Variants in PDZRN4 observed in about 807,000 individuals in gnomAD.
PDZRN4 encodes PDZ domain containing ring finger 4.
PDZRN4 carries 70 observed loss-of-function variants against 99.0 expected under a neutral mutation model. That is an observed-to-expected ratio of 0.71 (90% CI 0.58 to 0.86). PDZRN4 has a LOEUF of 0.86. Ranked by LOEUF, PDZRN4 falls within the 40% of genes least tolerant of loss-of-function variation. The probability of loss-of-function intolerance (pLI) is 0.00; values close to 1 mark genes in which losing one functional copy is unlikely to be tolerated. For missense variants in PDZRN4, 1,474 were observed against 1,331.2 expected, an observed-to-expected ratio of 1.11 and a Z score of -1.67; for synonymous variants, 551 against 501.6, an observed-to-expected ratio of 1.10 and a Z score of -1.32.
intron 3 of PDZRN4, among the ~76,000 whole-genome samples, chr12:41,288,611 C>G (rs537467420): frequency 7.3e-5 from 11 of 151,622 alleles, no homozygotes; most frequent in Non-Finnish European, 1.3e-4. Context: ...TTCACCCTGA[C>G]TCTTAGTTAT....
intron 3 of PDZRN4, among the ~76,000 whole-genome samples, chr12:41,468,782 G>A (rs1346901931): frequency 2.0e-5 from 3 of 152,118 alleles, no homozygotes; most frequent in African/African-American, 7.2e-5. Flanking sequence ...CCTCTAGAGT[G>A]GACAAAAATA....
At chr12:41,393,243 CAAT>C (rs1952222411) in intron 3 of PDZRN4, among the ~76,000 whole-genome samples, 1 of 152,122 alleles carries the variant, frequency 6.6e-6, no homozygotes, top group Admixed American at 6.6e-5. Context: ...TGTTATATAA[CAAT>C]AATTTTCCTT....
intron 3 of PDZRN4, among the ~76,000 whole-genome samples, chr12:41,316,864 C>T (rs1355872746): frequency 6.6e-6 from 1 of 151,296 alleles, no homozygotes; most frequent in Non-Finnish European, 1.5e-5. Context: ...TCATTGACTC[C>T]CCTCAAGGTT....
chr12:41,512,724 G>A (rs141463374), intron 5 of PDZRN4, among the ~76,000 whole-genome samples: 24 of 152,226 alleles, frequency 1.6e-4, no homozygotes, highest in African/African-American at 9.6e-5. Flanking sequence ...AGTCAGCTGA[G>A]AGGGAGTGGG....
intron 3 of PDZRN4, among the ~76,000 whole-genome samples, chr12:41,287,042 G>A (rs182020409): frequency 1.3e-4 from 20 of 152,082 alleles, no homozygotes; most frequent in East Asian, 3.9e-4. Flanking sequence ...ACTAATGTCC[G>A]CAGAGGACCC....
intron 4 of PDZRN4, among the ~76,000 whole-genome samples, chr12:41,509,116 T>C (rs1324250216): frequency 6.6e-6 from 1 of 152,176 alleles, no homozygotes; most frequent in South Asian, 2.1e-4. Flanking sequence ...CCATATCCTC[T>C]CATTTCCTTA....
chr12:41,411,063 A>T (rs67090727), intron 3 of PDZRN4, among the ~76,000 whole-genome samples: 2,158 of 103,318 alleles, frequency 0.021, 33 homozygotes, highest in Non-Finnish European at 0.031. Flanking sequence ...ATATATATAT[A>T]TATATTTTTT....
intron 8 of PDZRN4, 28 bp downstream of exon 8, chr12:41,563,677 A>G: frequency 1.4e-6 from 2 of 1,432,500 alleles, no homozygotes; most frequent in Non-Finnish European, 2.0e-6. Flanking sequence ...AAGCCTTGAG[A>G]CTGAACTTTA....
At position 41,188,461 on chromosome 12, in the gene PDZRN4, C is replaced by G; in HGVS notation, c.6C>G (p.Gly2=). M[G]FALERFAEAV... ...CTTTCTTCCCCATCCCTAACATGGG[C>G]TTTGCCCTGGAGCGCTTCGCAGAAG... The change falls in exon 1 of 10, where the codon GGC becomes GGG. Residue 2 remains glycine, a synonymous_variant. Coordinates refer to ENST00000402685, the MANE Select transcript of PDZRN4 (RefSeq NM_001164595.2). 6.3e-7 allele frequency: 1 copy of G among 1,585,568 alleles called. No individual in the cohort carries two copies. Among genetic ancestry groups the G allele is most frequent in the Non-Finnish European group, 8.5e-7 (1 of 1,173,552 alleles).
chr12:41,481,108 C>T (rs1376944351), intron 3 of PDZRN4, among the ~76,000 whole-genome samples: 2 of 151,984 alleles, frequency 1.3e-5, no homozygotes, highest in Non-Finnish European at 2.9e-5. Flanking sequence ...ATATCTATCT[C>T]ACCATTTCCC....
intron 1 of PDZRN4, among the ~76,000 whole-genome samples, chr12:41,189,356 G>A (rs1376708215): frequency 6.6e-6 from 1 of 152,052 alleles, no homozygotes; most frequent in East Asian, 1.9e-4. Context: ...CTTTCCCCCG[G>A]GAAAGTAGGA....
intron 5 of PDZRN4, among the ~76,000 whole-genome samples, chr12:41,522,649 A>G (rs572558597): frequency 1.1e-4 from 16 of 152,282 alleles, no homozygotes; most frequent in African/African-American, 3.8e-4. Context: ...CTGCCAAAAG[A>G]AAAGAAAGCC....
chr12:41,534,810 T>G (rs1266841596), intron 5 of PDZRN4, among the ~76,000 whole-genome samples: 1 of 152,196 alleles, frequency 6.6e-6, no homozygotes, highest in Non-Finnish European at 1.5e-5. Flanking sequence ...ATAAATACAA[T>G]ACATAGTGAA....
chr12:41,506,390 T>C (rs1938205315), intron 3 of PDZRN4, 66 bp from the exon 4 acceptor site: 4 of 1,441,476 alleles, frequency 2.8e-6, no homozygotes, highest in Non-Finnish European at 3.8e-6. Context: ...CTGTCTTTTA[T>C]TAATCTATCA....
At chr12:41,291,971 A>G (rs563248367) in intron 3 of PDZRN4, among the ~76,000 whole-genome samples, 4 of 152,294 alleles carry the variant, frequency 2.6e-5, no homozygotes, top group East Asian at 3.9e-4. Context: ...CTGGAAATAT[A>G]CTAGCATTGG....
chr12:41,499,067 A>AAG (rs142124646), intron 3 of PDZRN4, among the ~76,000 whole-genome samples: 4 of 149,336 alleles, frequency 2.7e-5, no homozygotes, highest in South Asian at 4.2e-4. Context: ...AGGGAATAGC[A>AAG]AGAGAGAGAG....
chr12:41,317,048 G>GTATATATA (rs33919115), intron 3 of PDZRN4, among the ~76,000 whole-genome samples: 7 of 69,588 alleles, frequency 1.0e-4, no homozygotes, highest in African/African-American at 1.8e-4. Flanking sequence ...CTTACATAAA[G>GTATATATA]TATATATATA....
chr12:41,353,331 G>C (rs1049894468), intron 3 of PDZRN4, among the ~76,000 whole-genome samples: 2 of 151,596 alleles, frequency 1.3e-5, no homozygotes, highest in Non-Finnish European at 2.9e-5. Context: ...TGTTTTTCCT[G>C]TCATCTGAAT....
chr12:41,316,446 A>G (rs1951638449), intron 3 of PDZRN4, among the ~76,000 whole-genome samples: 1 of 146,274 alleles, frequency 6.8e-6, no homozygotes, highest in Non-Finnish European at 1.5e-5. Flanking sequence ...TTACTAGAGG[A>G]AAAAGGCAAA....
Sources: gnomAD v4.1 joint callset for allele counts (sites outside exome capture counted in the v4.1 genomes callset) on GRCh38, gnomAD v4.1.1 for gene constraint, MANE v1.5 for transcripts, NCBI Gene and HGNC (gene_info 2026-07-23, HGNC 2026-07-21) for gene names.